The following COL4A5 variants were observed in gnomAD, a reference collection of about 807,000 sequenced individuals.
COL4A5 encodes collagen type IV alpha 5 chain.
COL4A5 carries 26 observed loss-of-function variants against 130.2 expected under a neutral mutation model. The ratio of observed to expected loss-of-function variants is 0.20; its 90% confidence interval spans 0.15 to 0.28. COL4A5 has a LOEUF of 0.28. COL4A5 is among the 10% of genes least tolerant of loss of function. COL4A5 has a pLI of 1.00. For synonymous variants in COL4A5, 496 were observed against 439.6 expected (o/e 1.13, Z -1.60); for missense variants, 1,131 against 1,344.3 (o/e 0.84, Z 2.48).
intron 29 of COL4A5, among the ~76,000 whole-genome samples, chrX:108,612,393 T>C (rs2066852247): frequency 9.0e-6 from 1 of 111,444 alleles, no homozygotes. Context: ...GTTTTATACT[T>C]AGAAAACCCT....
At chrX:108,597,211 C>A in intron 23 of COL4A5, 143 bp downstream of exon 23, 1 of 755,403 alleles carries the variant, frequency 1.3e-6, no homozygotes, top group Non-Finnish European at 2.0e-6. Flanking sequence ...TTGACTCTTC[C>A]TGACTCACAT....
intron 6 of COL4A5, 165 bp downstream of exon 6, chrX:108,568,986 A>T: frequency 2.2e-6 from 1 of 446,262 alleles, no homozygotes; most frequent in Non-Finnish European, 3.9e-6. Context: ...TTGAACTATC[A>T]ATAATTTCAT....
chrX:108,602,399 T>G (rs2066649873), intron 27 of COL4A5, among the ~76,000 whole-genome samples: 1 of 112,458 alleles, frequency 8.9e-6, no homozygotes, highest in Non-Finnish European at 1.9e-5. Flanking sequence ...AATATTTTCT[T>G]GATTTATTGA....
At chrX:108,572,637 T>C (rs1363889242) in intron 8 of COL4A5, among the ~76,000 whole-genome samples, 3 of 111,780 alleles carry the variant, frequency 2.7e-5, no homozygotes, top group Non-Finnish European at 5.7e-5. Context: ...TTAATCATAA[T>C]GTCTCATCTG....
intron 1 of COL4A5, among the ~76,000 whole-genome samples, chrX:108,450,205 G>T (rs1053744776): frequency 6.2e-5 from 7 of 112,252 alleles, no homozygotes; most frequent in Non-Finnish European, 9.4e-5. Context: ...TCTAGGAAAA[G>T]CACTTGTGCA....
chrX:108,633,530 AT>A (rs935906140), intron 36 of COL4A5, among the ~76,000 whole-genome samples: 2 of 110,102 alleles, frequency 1.8e-5, no homozygotes, highest in African/African-American at 6.6e-5. Flanking sequence ...TTGTTCATGA[AT>A]TTTTTTTTCT....
At position 108,476,312 on chromosome X, in the gene COL4A5, A is replaced by G. The variant is rs1418325276; in HGVS notation, c.81+36106A>G. On this transcript the variant is annotated intron_variant, in intron 1 of 52. Coordinates refer to ENST00000328300, the MANE Select transcript of COL4A5 (RefSeq NM_033380.3). ...TTATGGGTACATAGTAGGTATATTT[A>G]TGGGATATGTGAGATGTTTTGATAC... 2.7e-5 allele frequency among the ~76,000 whole-genome samples: 3 copies of G among 110,756 alleles called. No individual in the cohort carries two copies. The East Asian group carries it at 8.4e-4, about 31-fold the overall frequency.
rs192135189 is a variant in COL4A5 at position 108,498,836 on chromosome X, G to A, written c.82-40910G>A. 1.3e-4 allele frequency among the ~76,000 whole-genome samples: 14 copies of A among 110,832 alleles called. No individual in the cohort carries two copies. The East Asian group carries it at 3.4e-3, about 27-fold the overall frequency. On this transcript the variant is annotated intron_variant, in intron 1 of 52. Coordinates refer to ENST00000328300, the MANE Select transcript of COL4A5 (RefSeq NM_033380.3). ...AATGATAACTGATTTACTAACTTCA[G>A]TTTTATAATCACTTTTATACTGTGA...
intron 1 of COL4A5, among the ~76,000 whole-genome samples, chrX:108,477,999 C>T (rs1351144843): frequency 1.8e-5 from 2 of 110,495 alleles, no homozygotes; most frequent in African/African-American, 6.6e-5. Context: ...TGGAGTGACC[C>T]AAACCTTCCT....
At chrX:108,620,857 A>T (rs1313294329) in intron 31 of COL4A5, among the ~76,000 whole-genome samples, 1 of 110,652 alleles carries the variant, frequency 9.0e-6, no homozygotes, top group Non-Finnish European at 1.9e-5. Context: ...ACCTCTTCGC[A>T]TGGCTTAGGC....
intron 10 of COL4A5, 95 bp downstream of exon 10, chrX:108,576,067 A>G: frequency 3.7e-6 from 2 of 538,672 alleles, no homozygotes; most frequent in Non-Finnish European, 6.3e-6. Context: ...AACATAATGC[A>G]TTCTCAACAT....
At chrX:108,493,451 A>G (rs955387287) in intron 1 of COL4A5, among the ~76,000 whole-genome samples, 1 of 111,830 alleles carries the variant, frequency 8.9e-6, no homozygotes, top group Non-Finnish European at 1.9e-5. Flanking sequence ...GACAGCCTAA[A>G]GGTAAGTTAA....
chrX:108,625,813 C>G lies in COL4A5; in HGVS notation c.3106+19C>G. The G allele has an allele frequency of 9.0e-7, 1 of 1,111,399 alleles. No homozygotes were observed. The highest frequency in any genetic ancestry group is 1.2e-6 in the Non-Finnish European group (1 of 804,808). 91.6% of individuals were successfully genotyped at this position (1,111,399 alleles called of 1,213,427 possible). A position where few individuals can be genotyped will look rare whatever the true frequency, so the allele number is the denominator to read the frequency against. ...TTTCCAGGTGAGTGATGAAAATCTT[C>G]CAAATATTTAGTCCCATTAATGAAA... On this transcript the variant is annotated intron_variant, in intron 35 of 52. Transcript: ENST00000328300.
chrX:108,502,350 A>G (rs1346376347), intron 1 of COL4A5, among the ~76,000 whole-genome samples: 3 of 111,072 alleles, frequency 2.7e-5, no homozygotes, highest in African/African-American at 6.6e-5. Flanking sequence ...CAATGGCGCA[A>G]TCTCGGCTCA....
At chrX:108,669,778 A>G (rs1281254247) in intron 41 of COL4A5, among the ~76,000 whole-genome samples, 1 of 112,277 alleles carries the variant, frequency 8.9e-6, no homozygotes, top group Non-Finnish European at 1.9e-5. Flanking sequence ...GTATGAAGCC[A>G]TTAGTCACAA....
At chrX:108,514,177 C>G (rs1039507731) in intron 1 of COL4A5, among the ~76,000 whole-genome samples, 1 of 111,731 alleles carries the variant, frequency 9.0e-6, no homozygotes. Context: ...ACCCACATCC[C>G]AAGATTATGC....
Position 108,580,745 on chromosome X carries a change from G to A in COL4A5, c.891+7G>A, listed in dbSNP as rs769589691. 1 of 1,203,119 alleles carries A rather than the reference G, an allele frequency of 8.3e-7. No homozygotes were observed. On this transcript the variant is annotated splice_region_variant and intron_variant, in intron 15 of 52. Transcript: ENST00000328300. ...AGGAGAGCCAGGCAAAAGAGTAAGT[G>A]ATGTAACTGCTAATATTCTTTGCAA...
At chrX:108,667,468 TAAG>T (rs1245157449) in intron 40 of COL4A5, among the ~76,000 whole-genome samples, 5 of 110,974 alleles carry the variant, frequency 4.5e-5, no homozygotes, top group Non-Finnish European at 9.4e-5. Context: ...TGCAGGAAGA[TAAG>T]AAAAGTCTGT....
chrX:108,606,074 T>C (rs1286452925), intron 28 of COL4A5, among the ~76,000 whole-genome samples: 2 of 111,935 alleles, frequency 1.8e-5, no homozygotes, highest in Admixed American at 9.5e-5. Flanking sequence ...TTTGTAATTA[T>C]TACTTATTTT....
Sources: gnomAD v4.1 joint callset for allele counts (sites outside exome capture counted in the v4.1 genomes callset) on GRCh38, gnomAD v4.1.1 for gene constraint, MANE v1.5 for transcripts, NCBI Gene and HGNC (gene_info 2026-07-23, HGNC 2026-07-21) for gene names.